The following DST variants were observed in gnomAD, a reference collection of about 807,000 sequenced individuals.
DST encodes the protein bullous pemphigoid antigen.
Under a neutral mutation model 875.2 loss-of-function variants are expected in DST, and 253 were observed. The observed-to-expected ratio is 0.29, with a 90% confidence interval of 0.26 to 0.32. DST has a LOEUF of 0.32. DST is among the 10% of genes least tolerant of loss of function. The pLI, the probability that DST is intolerant of heterozygous loss-of-function variation, is 1.00. For missense variants in DST, 8,287 were observed against 9,111.6 expected (o/e 0.91, Z 3.68); for synonymous variants, 3,124 against 3,197.1 (o/e 0.98, Z 0.77).
chr6:56,559,035 G>A (rs892438001), intron 58 of DST, among the ~76,000 whole-genome samples: 3 of 152,044 alleles, frequency 2.0e-5, no homozygotes, highest in Non-Finnish European at 4.4e-5. Context: ...ATTCATTGAT[G>A]GTGTGATCAC....
chr6:56,641,234 A>T (rs952519803), intron 17 of DST, among the ~76,000 whole-genome samples: 1 of 152,042 alleles, frequency 6.6e-6, no homozygotes, highest in Non-Finnish European at 1.5e-5. Context: ...TTCTTTCAAG[A>T]TTTTGTTATG....
chr6:56,649,990 G>A (rs1331766241), intron 12 of DST, among the ~76,000 whole-genome samples: 2 of 152,108 alleles, frequency 1.3e-5, no homozygotes, highest in Admixed American at 1.3e-4. Context: ...CTGAAGCAAC[G>A]CTCAACATTG....
intron 95 of DST, 53 bp from the exon 96 acceptor site, chr6:56,470,335 C>T (rs1046770411): frequency 2.1e-6 from 3 of 1,416,158 alleles, no homozygotes; most frequent in African/African-American, 2.8e-5. Context: ...TTTCTCAAGA[C>T]ATTCTCAATT....
chr6:56,643,088 T>A (rs2098921803), intron 15 of DST: 2 of 418,966 alleles, frequency 4.8e-6, no homozygotes, highest in Admixed American at 7.9e-5. Flanking sequence ...CTGGAAAGGA[T>A]ATGCCAAATA....
At chr6:56,953,920 T>G in intron 1 of DST, 101 bp from the exon 2 acceptor site, 2 of 757,046 alleles carry the variant, frequency 2.6e-6, no homozygotes, top group South Asian at 3.2e-5. Flanking sequence ...GGAAAGCACA[T>G]CGCAGACTCC....
chr6:56,482,319 A>T (rs2095429266), intron 89 of DST, 141 bp from the exon 90 acceptor site: 1 of 943,692 alleles, frequency 1.1e-6, no homozygotes. Context: ...ACTCCCATTA[A>T]GAAGATAGAG....
At chr6:56,482,482 T>C (rs528785659) in intron 89 of DST, 2 of 556,530 alleles carry the variant, frequency 3.6e-6, no homozygotes, top group South Asian at 3.4e-5. Context: ...TATGTGAAGA[T>C]TAGAATGCCT....
chr6:56,505,423 C>T (rs1434965393), intron 77 of DST, among the ~76,000 whole-genome samples: 1 of 149,248 alleles, frequency 6.7e-6, no homozygotes, highest in Non-Finnish European at 1.5e-5. Context: ...GACTGGAGCC[C>T]GAATTAGTTA....
At chr6:56,601,749 A>G (rs1182942173) in intron 43 of DST, 73 bp from the exon 44 acceptor site, 1 of 915,872 alleles carries the variant, frequency 1.1e-6, no homozygotes, top group African/African-American at 1.7e-5. Context: ...AATAATATTT[A>G]TGTTTTGTAA....
chr6:56,560,552 G>A, intron 57 of DST, 129 bp from the exon 58 acceptor site: 2 of 982,844 alleles, frequency 2.0e-6, no homozygotes, highest in Non-Finnish European at 1.5e-6. Context: ...TGTGGTGGGT[G>A]AGGGCCTGGA....
At chr6:56,666,278 CTT>C (rs1219005962) in intron 10 of DST, among the ~76,000 whole-genome samples, 7 of 151,988 alleles carry the variant, frequency 4.6e-5, no homozygotes, top group African/African-American at 1.5e-4. Flanking sequence ...TGATTAATAA[CTT>C]ATAACAGTAT....
At chr6:56,684,471 T>G (rs993966724) in intron 9 of DST, among the ~76,000 whole-genome samples, 2 of 152,168 alleles carry the variant, frequency 1.3e-5, no homozygotes, top group African/African-American at 4.8e-5. Context: ...GGATTCAAAC[T>G]GAAGGAAAGC....
intron 61 of DST, among the ~76,000 whole-genome samples, chr6:56,545,275 A>AT (rs2097204687): frequency 1.3e-5 from 2 of 152,074 alleles, no homozygotes; most frequent in African/African-American, 4.8e-5. Context: ...AAGTGCTGGG[A>AT]TTACAGGCAT....
intron 102 of DST, among the ~76,000 whole-genome samples, chr6:56,462,373 T>C (rs1479302406): frequency 2.0e-5 from 3 of 151,988 alleles, no homozygotes; most frequent in African/African-American, 7.2e-5. Flanking sequence ...TCATGCCGTA[T>C]TAAAAAGTTA....
At chr6:56,574,008 A>G in intron 50 of DST, 121 bp from the exon 51 acceptor site, 1 of 689,448 alleles carries the variant, frequency 1.5e-6, no homozygotes, top group Non-Finnish European at 2.3e-6. Context: ...AAAAAGTTCA[A>G]TGATAAATTC....
chr6:56,562,135 C>A lies in DST; in HGVS notation c.14068+3G>T. 1.3e-6 allele frequency: 2 copies of A among 1,527,534 alleles called. No homozygotes were observed. Among genetic ancestry groups the A allele is most frequent in the Non-Finnish European group, 1.8e-6 (2 of 1,130,148 alleles). The allele number at this position is 1,527,534 out of a possible 1,614,324, so 94.6% of individuals were successfully genotyped here. On this transcript the variant is annotated splice_donor_region_variant and intron_variant, in intron 56 of 103. Coordinates refer to ENST00000680361, the MANE Select transcript of DST (RefSeq NM_001374736.1). ...TCAGTAACAAATTAAAATTAATACT[C>A]ACCTTTATTTGCCCAAAATTCCTCA... is the stretch of plus-strand genomic sequence containing the variant.
At chr6:56,499,012 G>T (rs1254424329) in intron 80 of DST, among the ~76,000 whole-genome samples, 2 of 152,066 alleles carry the variant, frequency 1.3e-5, no homozygotes, top group Non-Finnish European at 2.9e-5. Context: ...CAACCCTAAG[G>T]TTTAAAAATA....
chr6:56,761,247 A>C (rs537631214), intron 4 of DST, among the ~76,000 whole-genome samples: 1 of 152,324 alleles, frequency 6.6e-6, no homozygotes. Flanking sequence ...CAACATCTGA[A>C]CTTTAACCTT....
At chr6:56,594,241 C>T (rs769012561) in intron 47 of DST, 48 bp from the exon 48 acceptor site, 2 of 1,462,080 alleles carry the variant, frequency 1.4e-6, no homozygotes, top group Non-Finnish European at 9.1e-7. Context: ...AACGGGGTAA[C>T]ACCTGCAGGG....
Sources: allele counts gnomAD v4.1 joint callset (sites outside exome capture counted in the v4.1 genomes callset), GRCh38; gene constraint gnomAD v4.1.1; transcripts MANE v1.5; gene names NCBI Gene and HGNC (gene_info 2026-07-23, HGNC 2026-07-21).